The following TENM2 variants were observed in gnomAD, a reference collection of about 807,000 sequenced individuals.
TENM2 encodes the protein teneurin-2.
Under a neutral mutation model 245.2 loss-of-function variants are expected in TENM2, and 52 were observed. The ratio of observed to expected loss-of-function variants is 0.21; its 90% CI spans 0.17 to 0.27. TENM2 has a LOEUF of 0.27. TENM2 is among the 10% of genes least tolerant of loss of function. TENM2 has a pLI of 1.00. For synonymous variants in TENM2, 1,363 were observed against 1,438.9 expected, an observed-to-expected ratio of 0.95 and a Z score of 1.19; for missense variants, 3,046 against 3,666.8, an observed-to-expected ratio of 0.83 and a Z score of 4.37.
At chr5:167,837,097 CAG>C (rs1554128390) in intron 2 of TENM2, among the ~76,000 whole-genome samples, 1 of 142,978 alleles carries the variant, frequency 7.0e-6, no homozygotes, top group South Asian at 2.2e-4. Context: ...CACACACACA[CAG>C]AGATATATCT....
At chr5:167,497,620 C>T (rs1274093423) in intron 2 of TENM2, among the ~76,000 whole-genome samples, 10 of 151,994 alleles carry the variant, frequency 6.6e-5, no homozygotes, top group East Asian at 1.9e-4. Flanking sequence ...AAAGACCCCC[C>T]GCAGTTTCAA....
intron 7 of TENM2, among the ~76,000 whole-genome samples, chr5:168,078,358 A>G (rs1422062039): frequency 1.3e-5 from 2 of 151,894 alleles, no homozygotes; most frequent in Admixed American, 6.6e-5. Context: ...GACTGTAAAA[A>G]TTTTCTCCCA....
At chr5:167,047,114 T>A in the TENM2 span, among the ~76,000 whole-genome samples, 2 of 152,226 alleles carry the variant, frequency 1.3e-5, no homozygotes, top group Admixed American at 1.3e-4. Context: ...TTGTTTTTAT[T>A]TATGTATGCT....
At chr5:168,253,758 G>C (rs889413566) in intron 27 of TENM2, among the ~76,000 whole-genome samples, 2 of 152,238 alleles carry the variant, frequency 1.3e-5, no homozygotes, top group Non-Finnish European at 2.9e-5. Context: ...CTATGGACTT[G>C]GAGGTGGGGA....
chr5:167,032,226 G>C, the TENM2 span, among the ~76,000 whole-genome samples: 2 of 152,146 alleles, frequency 1.3e-5, no homozygotes, highest in African/African-American at 4.8e-5. Flanking sequence ...CAAAAAATTT[G>C]CATGCATGTA....
chr5:168,208,851 GA>G (rs1230446909), intron 19 of TENM2, among the ~76,000 whole-genome samples: 1 of 152,084 alleles, frequency 6.6e-6, no homozygotes, highest in Non-Finnish European at 1.5e-5. Flanking sequence ...AATATGAAAT[GA>G]GAAATGAAAT....
At chr5:168,158,807 AT>A (rs1185482465) in intron 12 of TENM2, among the ~76,000 whole-genome samples, 12 of 80,472 alleles carry the variant, frequency 1.5e-4, no homozygotes, top group East Asian at 1.5e-3. Flanking sequence ...TAAAAAAAAA[AT>A]GTGTGTGTGT....
chr5:167,831,144 T>G (rs1283563480), intron 2 of TENM2, among the ~76,000 whole-genome samples: 1 of 152,082 alleles, frequency 6.6e-6, no homozygotes, highest in Non-Finnish European at 1.5e-5. Flanking sequence ...TTCTCCTCCT[T>G]CTTCTTCTTG....
At position 167,620,594 on chromosome 5, in the gene TENM2, C is replaced by CTA. The variant is rs1333614908; in HGVS notation, c.502+245124_502+245125dup. ...TTTCAAGAACTGAGCTCAAAATGTG[C>CTA]TATACAAAAGCTGTCTTTTGAGAAC... On this transcript the variant is annotated intron_variant, in intron 2 of 28. Coordinates refer to ENST00000518659, the Ensembl canonical transcript of TENM2. Among the ~76,000 whole-genome samples the CTA allele has an allele frequency of 1.7e-4, 20 of 114,364 alleles. No individual in the cohort carries two copies. The East Asian group carries it at 2.3e-3, about 13-fold the overall frequency. 75.0% of individuals were successfully genotyped at this position (114,364 alleles called of 152,430 possible). A position where few individuals can be genotyped will look rare whatever the true frequency, so the allele number is the denominator to read the frequency against.
chr5:167,806,464 AG>A (rs1166720478), intron 2 of TENM2, among the ~76,000 whole-genome samples: 2 of 152,166 alleles, frequency 1.3e-5, no homozygotes, highest in African/African-American at 4.8e-5. Context: ...GTTAGATTTC[AG>A]GGACTCAAGT....
chr5:167,031,541 CA>C, the TENM2 span, among the ~76,000 whole-genome samples: 2 of 152,112 alleles, frequency 1.3e-5, no homozygotes, highest in African/African-American at 4.8e-5. Flanking sequence ...TTCTTCCTCA[CA>C]TATTTCCTTG....
intron 2 of TENM2, among the ~76,000 whole-genome samples, chr5:167,803,788 A>C (rs762447079): frequency 9.2e-5 from 14 of 152,002 alleles, no homozygotes; most frequent in Non-Finnish European, 1.8e-4. Context: ...AATTTCACTT[A>C]TGGTAAGTGT....
intron 2 of TENM2, among the ~76,000 whole-genome samples, chr5:167,625,260 A>T (rs1778426565): frequency 6.6e-6 from 1 of 152,244 alleles, no homozygotes; most frequent in South Asian, 2.1e-4. Context: ...GCTATCTGGT[A>T]TTACCAATAC....
the TENM2 span, among the ~76,000 whole-genome samples, chr5:167,092,272 G>A: frequency 1.3e-5 from 2 of 152,098 alleles, no homozygotes; most frequent in East Asian, 1.9e-4. Context: ...CAGCCCACCC[G>A]TTGCTTTACA....
At chr5:167,676,769 A>G (rs1582723349) in intron 2 of TENM2, among the ~76,000 whole-genome samples, 1 of 152,086 alleles carries the variant, frequency 6.6e-6, no homozygotes, top group East Asian at 1.9e-4. Flanking sequence ...AAGCCACTGT[A>G]TCTTTTGTTG....
chr5:167,307,224 T>C (rs2127746525), intron 1 of TENM2, among the ~76,000 whole-genome samples: 1 of 152,234 alleles, frequency 6.6e-6, no homozygotes, highest in South Asian at 2.1e-4. Flanking sequence ...GAAATTGTAG[T>C]TCAAGCTTAG....
chr5:168,093,210 A>T lies in TENM2; in HGVS notation c.1711+2441A>T, dbSNP rs372057503. 2.4e-4 allele frequency among the ~76,000 whole-genome samples: 37 copies of T among 152,206 alleles called. No homozygotes were observed. The South Asian group carries it at 7.3e-3, about 30-fold the overall frequency. Reference sequence around the variant, plus strand: ...ACAACTTCTGTCCTCCTTTTCCTTTATCCACATGGACACAGGCATTGTGGT... The same window carrying T: ...ACAACTTCTGTCCTCCTTTTCCTTTTTCCACATGGACACAGGCATTGTGGT... On this transcript the variant is annotated intron_variant, in intron 8 of 28. Transcript: ENST00000518659.
the TENM2 span, among the ~76,000 whole-genome samples, chr5:167,067,319 T>C: frequency 1.3e-5 from 2 of 152,208 alleles, no homozygotes; most frequent in African/African-American, 4.8e-5. Flanking sequence ...TTTCCTTTTT[T>C]TGAAGCCTTT....
intron 5 of TENM2, among the ~76,000 whole-genome samples, chr5:168,020,988 G>A (rs560577776): frequency 6.6e-6 from 1 of 152,354 alleles, no homozygotes; most frequent in African/African-American, 2.4e-5. Context: ...ACTTTTATAT[G>A]CTCAGAATTG....
Sources: gnomAD v4.1 joint callset for allele counts (sites outside exome capture counted in the v4.1 genomes callset) on GRCh38, gnomAD v4.1.1 for gene constraint, MANE v1.5 for transcripts, NCBI Gene and HGNC (gene_info 2026-07-23, HGNC 2026-07-21) for gene names.